MTA1: variants seen among roughly 807,000 people sequenced by gnomAD.
MTA1 encodes metastasis-associated protein MTA1.
A neutral mutation model predicts 97.0 loss-of-function variants in MTA1; 15 were observed. The ratio of observed to expected loss-of-function variants is 0.15; its 90% CI spans 0.10 to 0.24. MTA1 has a LOEUF of 0.24. Among genes scored for constraint, MTA1 ranks in the 10% least tolerant of loss-of-function variants. The pLI is 1.00. For synonymous variants in MTA1, 435 were observed against 417.5 expected (o/e 1.04, Z -0.51); for missense variants, 709 against 1,015.1 (o/e 0.70, Z 4.10).
chr14:105,436,591 TC>T (rs1275947232), intron 1 of MTA1, among the ~76,000 whole-genome samples: 6 of 151,960 alleles, frequency 3.9e-5, no homozygotes, highest in Non-Finnish European at 8.8e-5. Context: ...GCCTGCCACC[TC>T]CCCCGAGAGG....
intron 2 of MTA1, among the ~76,000 whole-genome samples, chr14:105,441,727 G>A (rs1021114282): frequency 1.3e-5 from 2 of 152,294 alleles, no homozygotes; most frequent in South Asian, 2.1e-4. Flanking sequence ...CCGGGAGGTG[G>A]AGCTTGCAGT....
At chr14:105,467,423 T>C (rs2083641272) in intron 18 of MTA1, 5 of 455,686 alleles carry the variant, frequency 1.1e-5, no homozygotes, top group Middle Eastern at 6.7e-4. Context: ...GACCTGGAGG[T>C]GGATATGGGT....
At chr14:105,467,491 G>C (rs146527096) in intron 18 of MTA1, 1 of 455,960 alleles carries the variant, frequency 2.2e-6, no homozygotes, top group Non-Finnish European at 4.4e-6. Context: ...GAGGCTGCTG[G>C]GTGTCCTGGC....
chr14:105,449,524 G>C (rs1252625788), intron 4 of MTA1, 115 bp downstream of exon 4: 2 of 1,101,490 alleles, frequency 1.8e-6, no homozygotes. Flanking sequence ...TGTGCCCTGC[G>C]CCCGGCCGGC....
chr14:105,469,893 G>C lies in MTA1; in HGVS notation c.1898G>C (p.Arg633Pro). 1.2e-6 allele frequency: 2 copies of C among 1,611,334 alleles called. No individual in the cohort carries two copies. The highest frequency in any genetic ancestry group is 1.7e-6 in the Non-Finnish European group (2 of 1,179,348). Residue 633 changes from arginine (R) to proline (P), a missense_variant, in exon 20 of 21, where the codon CGC becomes CCC. Coordinates refer to ENST00000331320, the MANE Select transcript of MTA1 (RefSeq NM_004689.4). Reference protein sequence around the residue: ...LNGKSYPTKVRLIRGGSLPPV... With the variant: ...LNGKSYPTKVPLIRGGSLPPV... ...GGGAAGTCCTACCCCACCAAAGTGC[G>C]CCTGATCCGGGGGGGCTCCCTGCCC...
At chr14:105,452,549 G>C (rs2082984369) in intron 6 of MTA1, among the ~76,000 whole-genome samples, 1 of 152,224 alleles carries the variant, frequency 6.6e-6, no homozygotes, top group Non-Finnish European at 1.5e-5. Flanking sequence ...GCGTGGTGGT[G>C]CACACTTACT....
At chr14:105,447,675 C>T (rs1036692098) in intron 3 of MTA1, among the ~76,000 whole-genome samples, 1 of 152,144 alleles carries the variant, frequency 6.6e-6, no homozygotes, top group African/African-American at 2.4e-5. Context: ...CGTGGCGGCC[C>T]CTCTGCAGGG....
Position 105,450,138 on chromosome 14 carries a change from C to T in MTA1, c.322C>T (p.Leu108=). ...AAAGCACCAGCTGCGGCATCGGGAG[C>T]TGTTCCTCTCCCGGCAGCTGGAGTC... The part of the protein sequence containing the change: ...KLKHQLRHRE[L]FLSRQLESLP... Residue 108 remains leucine, a synonymous_variant, in exon 5 of 21, where the codon CTG becomes TTG. Transcript: ENST00000331320. 1.2e-6 allele frequency: 2 copies of T among 1,613,254 alleles called. No homozygotes were observed. The highest frequency in any genetic ancestry group is 1.7e-6 in the Non-Finnish European group (2 of 1,179,908).
intron 1 of MTA1, among the ~76,000 whole-genome samples, chr14:105,431,021 C>T (rs918409048): frequency 2.6e-5 from 4 of 152,208 alleles, no homozygotes; most frequent in Non-Finnish European, 5.9e-5. Context: ...GAACACTTCA[C>T]CTCTGGTCCC....
At position 105,424,370 on chromosome 14, in the gene MTA1, AT is replaced by A. The variant is rs1193699679; in HGVS notation, c.28+4320del. Reference sequence around the variant, plus strand: ...CACCATGCCTGGCTAATGTTTTGTAATTTTTTTTTTTTTGTAGAGACGGGGT... The same window carrying A: ...CACCATGCCTGGCTAATGTTTTGTAATTTTTTTTTTTTGTAGAGACGGGGT... On this transcript the variant is annotated intron_variant, in intron 1 of 20. Coordinates refer to ENST00000331320, the MANE Select transcript of MTA1 (RefSeq NM_004689.4). The surrounding 1 kb of genome is among the most constrained non-coding windows in gnomAD (Gnocchi z 4.0). Among the ~76,000 whole-genome samples the A allele has an allele frequency of 9.3e-4, 133 of 142,966 alleles. No individual in the cohort carries two copies. Among genetic ancestry groups the A allele is most frequent in the Middle Eastern group, 3.8e-3 (1 of 260 alleles). The allele number at this position is 142,966 out of a possible 152,430, so 93.8% of individuals were successfully genotyped here.
intron 10 of MTA1, among the ~76,000 whole-genome samples, chr14:105,462,926 A>AGATCTC (rs1555431370): frequency 6.6e-6 from 1 of 152,214 alleles, no homozygotes; most frequent in Non-Finnish European, 1.5e-5. Flanking sequence ...CACCTCGGCA[A>AGATCTC]GATCTCGACC....
chr14:105,436,665 T>A (rs2082333963), intron 1 of MTA1, among the ~76,000 whole-genome samples: 1 of 151,988 alleles, frequency 6.6e-6, no homozygotes, highest in Admixed American at 6.6e-5. Context: ...TGCCGAGGAG[T>A]CTTCCATCAA....
intron 18 of MTA1, chr14:105,468,190 C>A: frequency 1.4e-6 from 1 of 718,356 alleles, no homozygotes; most frequent in Non-Finnish European, 2.2e-6. Flanking sequence ...CCTGCCTGCC[C>A]ACAGCACGGG....
intron 7 of MTA1, among the ~76,000 whole-genome samples, chr14:105,456,989 G>A (rs587771892): frequency 2.2e-4 from 33 of 152,346 alleles, no homozygotes; most frequent in Admixed American, 1.0e-3. Context: ...GTGCCCCTTA[G>A]CGAGGGATAG....
At position 105,464,810 on chromosome 14, in the gene MTA1, A is replaced by T; in HGVS notation, c.1481A>T (p.His494Leu). ...RLCREILRPW[H>L]AARHPYLPIN... ...TGCCGTGAGATCCTGCGCCCGTGGC[A>T]CGCTGCGCGGCACCCCTACCTGCCC... Residue 494 changes from histidine to leucine, a missense_variant, in exon 15 of 21, where the codon CAC becomes CTC. His to Leu is a moderately conservative substitution (Grantham distance 99, BLOSUM62 -3). Coordinates refer to ENST00000331320, the MANE Select transcript of MTA1 (RefSeq NM_004689.4). 9 of 1,603,246 alleles carry T rather than the reference A, an allele frequency of 5.6e-6. No individual in the cohort carries two copies. The highest frequency in any genetic ancestry group is 7.7e-6 in the Non-Finnish European group (9 of 1,172,738).
At chr14:105,457,822 G>A (rs587637888) in intron 7 of MTA1, among the ~76,000 whole-genome samples, 1 of 152,104 alleles carries the variant, frequency 6.6e-6, no homozygotes, top group Non-Finnish European at 1.5e-5. Flanking sequence ...CTACTCAGGA[G>A]GCTGAGGCAG....
chr14:105,454,717 C>T (rs1017195467), intron 7 of MTA1: 2 of 161,024 alleles, frequency 1.2e-5, no homozygotes, highest in African/African-American at 2.4e-5. Context: ...AGCGATTCTC[C>T]TGCCTCAGCC....
intron 15 of MTA1, 111 bp downstream of exon 15, chr14:105,464,974 C>T: frequency 2.1e-6 from 3 of 1,423,538 alleles, no homozygotes; most frequent in Non-Finnish European, 2.8e-6. Context: ...TCAGGGAGCC[C>T]CACGTCCTCC....
Position 105,450,081 on chromosome 14 carries a change from A to C in MTA1, c.265A>C (p.Asn89His). Reference sequence around the variant, plus strand: ...AGGGGAAATAGAAGAGGAAATGGAGAACCCGGAAATGGTGGACCTGCCCGA... The same window carrying C: ...AGGGGAAATAGAAGAGGAAATGGAGCACCCGGAAATGGTGGACCTGCCCGA... ...EEGEIEEEME[N>H]PEMVDLPEKL... The change falls in exon 5 of 21, where the codon AAC (asparagine) becomes CAC (histidine). Residue 89 changes from asparagine to histidine, a missense_variant. Physicochemically the swap from Asn to His is moderately conservative, Grantham distance 68. Transcript: ENST00000331320. 1.2e-6 allele frequency: 2 copies of C among 1,613,492 alleles called. No homozygotes were observed. The highest frequency in any genetic ancestry group is 1.7e-6 in the Non-Finnish European group (2 of 1,179,874).
Sources: gnomAD v4.1 joint callset for allele counts (sites outside exome capture counted in the v4.1 genomes callset) on GRCh38, gnomAD v4.1.1 for gene constraint, Gnocchi (gnomAD v3.1) non-coding constraint, MANE v1.5 for transcripts, NCBI Gene and HGNC (gene_info 2026-07-23, HGNC 2026-07-21) for gene names.